Variants in RSRC1 observed in about 807,000 individuals in gnomAD.
RSRC1 encodes the protein arginine and serine rich coiled-coil 1.
Under a neutral mutation model 49.1 loss-of-function variants are expected in RSRC1, and 39 were observed. That is an observed-to-expected ratio of 0.79 (90% CI 0.61 to 1.04). The LOEUF is 1.04. RSRC1 is among the 50% of genes least tolerant of loss of function. RSRC1 has a pLI of 0.00. For synonymous variants in RSRC1, 143 were observed against 130.8 expected, an observed-to-expected ratio of 1.09 and a Z score of -0.63; for missense variants, 388 against 402.4, an observed-to-expected ratio of 0.96 and a Z score of 0.31.
At chr3:158,221,229 G>A (rs910071054) in intron 4 of RSRC1, among the ~76,000 whole-genome samples, 3 of 151,562 alleles carry the variant, frequency 2.0e-5, no homozygotes, top group Non-Finnish European at 3.0e-5. Context: ...CAAGAAGAAA[G>A]TGTGCTGCTC....
At chr3:158,335,460 T>C (rs1729832302) in intron 5 of RSRC1, among the ~76,000 whole-genome samples, 2 of 152,228 alleles carry the variant, frequency 1.3e-5, no homozygotes, top group South Asian at 4.1e-4. Flanking sequence ...AAGCTTGGGA[T>C]ATTATTGATA....
intron 4 of RSRC1, among the ~76,000 whole-genome samples, chr3:158,286,734 G>T (rs1726586026): frequency 6.6e-6 from 1 of 152,182 alleles, no homozygotes; most frequent in South Asian, 2.1e-4. Flanking sequence ...AAGTTAAACA[G>T]AACAACAACG....
chr3:158,188,563 G>T (rs1470366460), intron 3 of RSRC1, among the ~76,000 whole-genome samples: 1 of 151,800 alleles, frequency 6.6e-6, no homozygotes, highest in African/African-American at 2.4e-5. Flanking sequence ...CCTTTTTTGG[G>T]AATCATAATC....
chr3:158,338,517 A>G (rs1254820434), intron 5 of RSRC1, among the ~76,000 whole-genome samples: 1 of 152,206 alleles, frequency 6.6e-6, no homozygotes, highest in Non-Finnish European at 1.5e-5. Flanking sequence ...ATTACATTTA[A>G]AGGAAACTGC....
chr3:158,393,228 A>G (rs913711868), intron 6 of RSRC1, among the ~76,000 whole-genome samples: 2 of 152,072 alleles, frequency 1.3e-5, no homozygotes, highest in Non-Finnish European at 1.5e-5. Context: ...AAGATCCCAA[A>G]TTATCAACCT....
intron 6 of RSRC1, among the ~76,000 whole-genome samples, chr3:158,386,813 G>T (rs998888166): frequency 1.4e-4 from 21 of 147,540 alleles, no homozygotes; most frequent in African/African-American, 5.3e-4. Context: ...AATGTGAGTC[G>T]TATTCACTAG....
rs192830649 is a variant in RSRC1 at position 158,543,507 on chromosome 3, C to T, written c.912+20C>T. On this transcript the variant is annotated intron_variant, in intron 9 of 9. Transcript: ENST00000611884. ...CCAAATGTAATATCCTTAAACTTTA[C>T]GAATGTCAGTTGAAGTCTAATTTAC... 1.3e-5 allele frequency: 21 copies of T among 1,581,554 alleles called. No individual in the cohort carries two copies. The highest frequency in any genetic ancestry group is 3.4e-4 in the Middle Eastern group (2 of 5,970).
intron 6 of RSRC1, among the ~76,000 whole-genome samples, chr3:158,359,972 A>T (rs145912469): frequency 1.0e-3 from 152 of 152,224 alleles, no homozygotes; most frequent in African/African-American, 3.6e-3. Flanking sequence ...AACAGAGAGT[A>T]GCTCCTCTCT....
At chr3:158,174,449 G>T (rs1043694456) in intron 3 of RSRC1, among the ~76,000 whole-genome samples, 1 of 151,962 alleles carries the variant, frequency 6.6e-6, no homozygotes, top group Non-Finnish European at 1.5e-5. Flanking sequence ...TAACACTGTT[G>T]TGTAAATACT....
chr3:158,463,606 C>T (rs1737730397), intron 7 of RSRC1, among the ~76,000 whole-genome samples: 1 of 152,096 alleles, frequency 6.6e-6, no homozygotes, highest in African/African-American at 2.4e-5. Context: ...ATGTTGTCTA[C>T]CCAGCTCCCT....
chr3:158,426,138 G>A (rs1560037552), intron 6 of RSRC1, among the ~76,000 whole-genome samples: 2 of 151,742 alleles, frequency 1.3e-5, no homozygotes, highest in South Asian at 2.1e-4. Flanking sequence ...AGAAGAAAAT[G>A]TAGGAGAATA....
chr3:158,115,773 A>G (rs1316342305), intron 1 of RSRC1, among the ~76,000 whole-genome samples: 3 of 152,140 alleles, frequency 2.0e-5, no homozygotes. Flanking sequence ...GTTTTGATTG[A>G]AGTTTGTGAA....
At chr3:158,174,213 A>C (rs1346459690) in intron 3 of RSRC1, among the ~76,000 whole-genome samples, 3 of 151,908 alleles carry the variant, frequency 2.0e-5, no homozygotes, top group African/African-American at 7.2e-5. Context: ...GCATTTGATA[A>C]GTGTGCTTAA....
intron 5 of RSRC1, among the ~76,000 whole-genome samples, chr3:158,307,906 G>A (rs1352332280): frequency 6.6e-6 from 1 of 151,780 alleles, no homozygotes; most frequent in African/African-American, 2.4e-5. Flanking sequence ...TTTAATAATA[G>A]TAAATAAGGG....
chr3:158,188,420 A>G (rs1578177685), intron 3 of RSRC1, among the ~76,000 whole-genome samples: 1 of 151,898 alleles, frequency 6.6e-6, no homozygotes, highest in South Asian at 2.1e-4. Context: ...ACCTTGATCT[A>G]CCTGAAGGTC....
intron 3 of RSRC1, among the ~76,000 whole-genome samples, chr3:158,172,859 A>G (rs1026436602): frequency 2.0e-5 from 3 of 152,152 alleles, no homozygotes; most frequent in Non-Finnish European, 2.9e-5. Flanking sequence ...TAAATGTTGC[A>G]TAAGTAATTG....
chr3:158,210,124 G>T (rs188821071), intron 4 of RSRC1, among the ~76,000 whole-genome samples: 88 of 152,176 alleles, frequency 5.8e-4, no homozygotes, highest in Admixed American at 4.4e-3. Flanking sequence ...TATACAGCAG[G>T]AAGTAATTTA....
At chr3:158,475,058 G>T (rs1241709395) in intron 7 of RSRC1, among the ~76,000 whole-genome samples, 2 of 151,976 alleles carry the variant, frequency 1.3e-5, no homozygotes, top group African/African-American at 4.8e-5. Context: ...GGGACGACAG[G>T]CGAGCATCAT....
intron 5 of RSRC1, among the ~76,000 whole-genome samples, chr3:158,307,968 A>G (rs1727929142): frequency 6.6e-6 from 1 of 151,922 alleles, no homozygotes; most frequent in Admixed American, 6.6e-5. Flanking sequence ...ATTTCGGCTA[A>G]AATTTCTGAG....
Sources: allele counts gnomAD v4.1 joint callset (sites outside exome capture counted in the v4.1 genomes callset), GRCh38; gene constraint gnomAD v4.1.1; transcripts MANE v1.5; gene names NCBI Gene and HGNC (gene_info 2026-07-23, HGNC 2026-07-21).